UACA: variants seen among roughly 807,000 people sequenced by gnomAD.
The protein encoded by UACA is nuclear membrane binding protein.
In UACA, 112 loss-of-function variants were observed where a neutral mutation model predicts 160.5. That is an observed-to-expected ratio of 0.70 (90% CI 0.60 to 0.82). The LOEUF (loss-of-function observed/expected upper bound fraction) is 0.82. Among genes scored for constraint, UACA ranks in the 40% least tolerant of loss-of-function variants. The pLI, the probability that UACA is intolerant of heterozygous loss-of-function variation, is 0.00. For missense variants in UACA, 1,574 were observed against 1,614.6 expected, an observed-to-expected ratio of 0.97 and a Z score of 0.43; for synonymous variants, 557 against 568.4, an observed-to-expected ratio of 0.98 and a Z score of 0.29.
upstream of UACA, among the ~76,000 whole-genome samples, chr15:70,766,750 G>A (rs1400856407): frequency 6.6e-6 from 1 of 152,196 alleles, no homozygotes; most frequent in Non-Finnish European, 1.5e-5. Context: ...AAGTTTGCCT[G>A]AAGGGAGGCT....
chr15:70,664,402 A>C (rs1466680551), intron 17 of UACA, among the ~76,000 whole-genome samples: 2 of 152,282 alleles, frequency 1.3e-5, no homozygotes, highest in East Asian at 3.9e-4. Flanking sequence ...GGAGGGAATA[A>C]ATCTGCTTTG....
intron 1 of UACA, among the ~76,000 whole-genome samples, chr15:70,741,042 AAAAATAAAAT>A (rs533537098): frequency 2.3e-4 from 35 of 152,200 alleles, no homozygotes; most frequent in African/African-American, 8.2e-4. Flanking sequence ...AAATAAAAAT[AAAAATAAAAT>A]AAAATAAAAA....
chr15:70,772,492 CAA>C, the UACA span, among the ~76,000 whole-genome samples: 124 of 49,558 alleles, frequency 2.5e-3, no homozygotes, highest in African/African-American at 6.3e-3. Flanking sequence ...GCCTCCATCT[CAA>C]AAAAAAAAAA....
In UACA at chr15:70,669,275, T is replaced by G; in HGVS notation, c.1409A>C (p.Lys470Thr). The stretch of plus-strand genomic sequence containing the variant: ...TGCTAAAGCTTTGCATTCTGCCACT[T>G]TGTGTGCCAGTTCATTTTGGAGCTT... ...RLKLQNELAHKVAECKALALE... is the reference protein window; with the variant it reads ...RLKLQNELAHTVAECKALALE... The change falls in exon 16 of 19, where the codon AAA becomes ACA. Residue 470 changes from lysine (K) to threonine (T), a missense_variant. Transcript: ENST00000322954. 1 of 1,614,100 alleles carries G rather than the reference T, an allele frequency of 6.2e-7. No homozygotes were observed. Among genetic ancestry groups the G allele is most frequent in the Non-Finnish European group, 8.5e-7 (1 of 1,179,968 alleles).
Position 70,690,639 on chromosome 15 carries a change from G to A in UACA, c.367-128C>T, listed in dbSNP as rs1414465834. 8 of 664,000 alleles carry A rather than the reference G, an allele frequency of 1.2e-5. No homozygotes were observed. In the Admixed American group the frequency reaches 1.9e-4, roughly 15 times the overall value. 41.1% of individuals were successfully genotyped at this position (664,000 alleles called of 1,614,324 possible). On this transcript the variant is annotated intron_variant, in intron 4 of 18. Coordinates refer to ENST00000322954, the MANE Select transcript of UACA (RefSeq NM_018003.4). ...TTATCAAAGAAGCTAAAGACTATCC[G>A]ACAATCCATGAAATATGCTGACATG...
intron 2 of UACA, among the ~76,000 whole-genome samples, chr15:70,698,669 A>G (rs1450313847): frequency 6.6e-6 from 1 of 152,222 alleles, no homozygotes; most frequent in African/African-American, 2.4e-5. Flanking sequence ...TATATTTAGT[A>G]TCTGGTTTCC....
In UACA at chr15:70,687,573, C is replaced by T; in HGVS notation, c.569G>A (p.Gly190Glu). Residue 190 changes from glycine (G) to glutamate (E), a missense_variant, in exon 7 of 19, where the codon GGA (glycine) becomes GAA (glutamate). Physicochemically the swap from Gly to Glu is moderately conservative, Grantham distance 98. Coordinates refer to ENST00000322954, the MANE Select transcript of UACA (RefSeq NM_018003.4). ...PTICQLLIDR[G>E]ADVNSRDKQN... ...TTTGTCTCTGGAATTAACATCCGCT[C>T]CTCTATCTATCAGCAGTTGACATAT... The T allele has an allele frequency of 6.2e-7, 1 of 1,613,872 alleles. No homozygotes were observed. The highest frequency in any genetic ancestry group is 8.5e-7 in the Non-Finnish European group (1 of 1,179,824).
the UACA span, among the ~76,000 whole-genome samples, chr15:70,778,536 A>C: frequency 6.6e-6 from 1 of 152,200 alleles, no homozygotes; most frequent in Non-Finnish European, 1.5e-5. Flanking sequence ...CTCTGAACTC[A>C]GCTAGGAAAG....
At chr15:70,664,527 T>C in intron 17 of UACA, 135 bp downstream of exon 17, 3 of 1,113,332 alleles carry the variant, frequency 2.7e-6, no homozygotes. Context: ...TAGGTAACTT[T>C]TCGCATATAA....
At chr15:70,773,629 A>G in the UACA span, among the ~76,000 whole-genome samples, 2 of 152,212 alleles carry the variant, frequency 1.3e-5, no homozygotes, top group African/African-American at 4.8e-5. Flanking sequence ...AGGTACAGAT[A>G]AGTGTACGGT....
chr15:70,743,730 A>G (rs980645373), intron 1 of UACA, among the ~76,000 whole-genome samples: 1 of 152,234 alleles, frequency 6.6e-6, no homozygotes, highest in African/African-American at 2.4e-5. Flanking sequence ...AGTCCCAGTA[A>G]GAGGCTGAAC....
chr15:70,705,578 C>T (rs1261059547), intron 1 of UACA, among the ~76,000 whole-genome samples: 1 of 151,888 alleles, frequency 6.6e-6, no homozygotes, highest in African/African-American at 2.4e-5. Flanking sequence ...TCCAACCAAA[C>T]CTCTAGAAGT....
intron 1 of UACA, among the ~76,000 whole-genome samples, chr15:70,728,838 C>T (rs1487507568): frequency 6.6e-6 from 1 of 151,972 alleles, no homozygotes; most frequent in African/African-American, 2.4e-5. Flanking sequence ...CTTAATGCAA[C>T]AAGCAAAAAA....
At position 70,669,282 on chromosome 15, in the gene UACA, C is replaced by T; in HGVS notation, c.1402G>A (p.Ala468Thr). 1 of 1,614,002 alleles carries T rather than the reference C, an allele frequency of 6.2e-7. No homozygotes were observed. The highest frequency in any genetic ancestry group is 8.5e-7 in the Non-Finnish European group (1 of 1,179,968). ...QDRLKLQNEL[A>T]HKVAECKALA... ...GCTTTGCATTCTGCCACTTTGTGTG[C>T]CAGTTCATTTTGGAGCTTCAGTCGG... The change falls in exon 16 of 19, where the codon GCA becomes ACA. Residue 468 changes from alanine (A) to threonine (T), a missense_variant. Physicochemically the swap from Ala to Thr is moderately conservative, Grantham distance 58. Coordinates refer to ENST00000322954, the MANE Select transcript of UACA (RefSeq NM_018003.4).
At position 70,712,051 on chromosome 15, in the gene UACA, C is replaced by CATATATATATATATATATAT. The variant is rs57543862; in HGVS notation, c.79-12392_79-12391insATATATATATATATATATAT. ...AACCCAGGCTCCTCTAAGCTCCAGGCATATATATATATATATCTCCATATA... is the reference window on the plus strand; with the variant it reads ...AACCCAGGCTCCTCTAAGCTCCAGGCATATATATATATATATATATATATATATATATATATCTCCATATA... On this transcript the variant is annotated intron_variant, in intron 1 of 18. Coordinates refer to ENST00000322954, the MANE Select transcript of UACA (RefSeq NM_018003.4). Among the ~76,000 whole-genome samples the CATATATATATATATATATAT allele has an allele frequency of 1.6e-3, 216 of 131,954 alleles. 5 individuals are homozygous for CATATATATATATATATATAT. The highest frequency in any genetic ancestry group is 5.9e-3 in the Admixed American group (81 of 13,760). 86.6% of individuals were successfully genotyped at this position (131,954 alleles called of 152,430 possible). A position where few individuals can be genotyped will look rare whatever the true frequency, so the allele number is the denominator to read the frequency against.
intron 8 of UACA, among the ~76,000 whole-genome samples, chr15:70,684,039 T>G (rs979969778): frequency 3.3e-5 from 5 of 152,124 alleles, no homozygotes; most frequent in African/African-American, 9.6e-5. Flanking sequence ...TTCCAGTGTC[T>G]TAGTGTTCAC....
At chr15:70,741,070 G>T (rs574715862) in intron 1 of UACA, among the ~76,000 whole-genome samples, 5 of 152,092 alleles carry the variant, frequency 3.3e-5, no homozygotes, top group African/African-American at 7.2e-5. Context: ...AAATAAAAAG[G>T]GGGGGCTGGG....
chr15:70,665,133 G>C (rs1027154808), intron 16 of UACA, among the ~76,000 whole-genome samples: 7 of 152,112 alleles, frequency 4.6e-5, no homozygotes, highest in African/African-American at 1.7e-4. Context: ...CTATCTTCCA[G>C]GTAACATATG....
chr15:70,718,874 T>C (rs560954175), intron 1 of UACA, among the ~76,000 whole-genome samples: 3 of 152,086 alleles, frequency 2.0e-5, no homozygotes, highest in Non-Finnish European at 4.4e-5. Context: ...GCAACCCACA[T>C]AAAGTGGTGG....
Sources: allele counts gnomAD v4.1 joint callset (sites outside exome capture counted in the v4.1 genomes callset), GRCh38; gene constraint gnomAD v4.1.1; transcripts MANE v1.5; gene names NCBI Gene and HGNC (gene_info 2026-07-23, HGNC 2026-07-21).